The following FSTL1 variants were observed in gnomAD, a reference collection of about 807,000 sequenced individuals.
The protein encoded by FSTL1 is follistatin like 1.
Under a neutral mutation model 45.9 loss-of-function variants are expected in FSTL1, and 24 were observed. The ratio of observed to expected loss-of-function variants is 0.52; its 90% CI spans 0.38 to 0.74. The LOEUF is 0.74. Ranked by LOEUF, FSTL1 falls within the 30% of genes least tolerant of loss-of-function variation. FSTL1 has a pLI of 0.00. For synonymous variants in FSTL1, 120 were observed against 137.6 expected (o/e 0.87, Z 0.89); for missense variants, 340 against 381.8 (o/e 0.89, Z 0.91).
At chr3:120,443,556 T>C (rs1205235436) in intron 2 of FSTL1, among the ~76,000 whole-genome samples, 2 of 149,704 alleles carry the variant, frequency 1.3e-5, no homozygotes, top group Non-Finnish European at 2.9e-5. Flanking sequence ...CAACAAAAAG[T>C]ATAGAAAGAC....
Position 120,450,701 on chromosome 3 carries a change from C to T in FSTL1, c.46G>A (p.Ala16Thr), listed in dbSNP as rs370642677. 9.6e-5 allele frequency: 151 copies of T among 1,568,376 alleles called. No individual in the cohort carries two copies. Among genetic ancestry groups the T allele is most frequent in the Non-Finnish European group, 1.2e-4 (144 of 1,164,818 alleles). Residue 16 changes from alanine to threonine, a missense_variant, in exon 2 of 11, where the codon GCC (alanine) becomes ACC (threonine). Physicochemically the swap from Ala to Thr is moderately conservative, Grantham distance 58. Transcript: ENST00000295633. ...LALALALVAV[A>T]WVRAEEELRS... ...TCGCCTACCTCGGCGCGGACCCAGGCGACCGCCACCAGCGCGAGCGCGAGC... is the reference window on the plus strand; with the variant it reads ...TCGCCTACCTCGGCGCGGACCCAGGTGACCGCCACCAGCGCGAGCGCGAGC...
intron 8 of FSTL1, 103 bp from the exon 9 acceptor site, chr3:120,403,021 G>C (rs1936858136): frequency 1.2e-6 from 1 of 819,788 alleles, no homozygotes; most frequent in African/African-American, 1.7e-5. Flanking sequence ...GACAAGACCT[G>C]CCTGTCCCTC....
intron 2 of FSTL1, among the ~76,000 whole-genome samples, chr3:120,418,595 A>G (rs1937226807): frequency 6.6e-6 from 1 of 152,212 alleles, no homozygotes; most frequent in Non-Finnish European, 1.5e-5. Context: ...ACGTAAGGAA[A>G]TTATGATGGG....
intron 2 of FSTL1, among the ~76,000 whole-genome samples, chr3:120,418,250 ATATTAT>A (rs960179445): frequency 6.6e-6 from 1 of 152,232 alleles, no homozygotes; most frequent in Non-Finnish European, 1.5e-5. Context: ...AAGAATAGGT[ATATTAT>A]TATTAACCCT....
chr3:120,412,084 A>G lies in FSTL1; in HGVS notation c.169-101T>C, dbSNP rs1937068985. On this transcript the variant is annotated intron_variant, in intron 3 of 10. Coordinates refer to ENST00000295633, the MANE Select transcript of FSTL1 (RefSeq NM_007085.5). ...ACACACACACACAGAGCCATTTTGT[A>G]AGGGGACTCTCCACCACCAGAGATG... 3.7e-6 allele frequency: 4 copies of G among 1,079,528 alleles called. No individual in the cohort carries two copies. In the East Asian group the frequency reaches 1.0e-4, roughly 27 times the overall value. 66.9% of individuals were successfully genotyped at this position (1,079,528 alleles called of 1,614,324 possible). A position where few individuals can be genotyped will look rare whatever the true frequency, so the allele number is the denominator to read the frequency against.
At chr3:120,447,034 G>C (rs1323588658) in intron 2 of FSTL1, among the ~76,000 whole-genome samples, 1 of 152,112 alleles carries the variant, frequency 6.6e-6, no homozygotes, top group East Asian at 1.9e-4. Context: ...ATCCACCAAG[G>C]GAGAGTGGGG....
intron 2 of FSTL1, among the ~76,000 whole-genome samples, chr3:120,438,061 TAAG>T (rs1013752462): frequency 2.0e-5 from 3 of 152,092 alleles, no homozygotes; most frequent in Non-Finnish European, 4.4e-5. Flanking sequence ...GAGAAAGTAA[TAAG>T]AAGGATTCCA....
intron 2 of FSTL1, among the ~76,000 whole-genome samples, chr3:120,417,327 G>A (rs1407792419): frequency 6.6e-6 from 1 of 152,206 alleles, no homozygotes; most frequent in Non-Finnish European, 1.5e-5. Flanking sequence ...GAGCTGAGGT[G>A]CTGTATCCAA....
intron 2 of FSTL1, among the ~76,000 whole-genome samples, chr3:120,439,128 G>C (rs1211744993): frequency 6.6e-6 from 1 of 152,180 alleles, no homozygotes; most frequent in Non-Finnish European, 1.5e-5. Flanking sequence ...GGCGTGCAGG[G>C]AGGAGGCGAG....
At chr3:120,449,412 C>T (rs1197167519) in intron 2 of FSTL1, among the ~76,000 whole-genome samples, 3 of 152,082 alleles carry the variant, frequency 2.0e-5, no homozygotes, top group African/African-American at 7.2e-5. Context: ...GCCTTGGGTC[C>T]GGAGCCAGAC....
intron 3 of FSTL1, among the ~76,000 whole-genome samples, chr3:120,415,503 AGGG>A (rs1369536967): frequency 6.6e-6 from 1 of 152,214 alleles, no homozygotes; most frequent in Admixed American, 6.5e-5. Flanking sequence ...TGCATAAAAT[AGGG>A]GGAACCATTA....
At chr3:120,399,135 C>A (rs1171960757) in intron 10 of FSTL1, among the ~76,000 whole-genome samples, 1 of 152,160 alleles carries the variant, frequency 6.6e-6, no homozygotes, top group Non-Finnish European at 1.5e-5. Context: ...AAGGCTAATA[C>A]TACTACATTC....
chr3:120,425,466 G>A (rs1255297465), intron 2 of FSTL1, among the ~76,000 whole-genome samples: 1 of 152,096 alleles, frequency 6.6e-6, no homozygotes, highest in Non-Finnish European at 1.5e-5. Flanking sequence ...AAGAATTAAT[G>A]CAGGAGGACT....
At chr3:120,442,788 G>GA (rs749297340) in intron 2 of FSTL1, among the ~76,000 whole-genome samples, 811 of 53,252 alleles carry the variant, frequency 0.015, 35 homozygotes, top group African/African-American at 0.038. Flanking sequence ...TCTCAAAAAA[G>GA]AAAAAAAAAA....
chr3:120,397,832 G>C (rs1391379663), intron 10 of FSTL1, among the ~76,000 whole-genome samples: 1 of 152,162 alleles, frequency 6.6e-6, no homozygotes, highest in Non-Finnish European at 1.5e-5. Flanking sequence ...TTATTTATCA[G>C]AGCCCCCAAA....
chr3:120,403,101 A>T, intron 8 of FSTL1, 141 bp downstream of exon 8: 1 of 703,244 alleles, frequency 1.4e-6, no homozygotes, highest in Non-Finnish European at 2.6e-6. Context: ...CACCATGGGG[A>T]GAATGGGCTG....
intron 6 of FSTL1, among the ~76,000 whole-genome samples, chr3:120,406,633 T>C (rs1378255848): frequency 4.6e-5 from 7 of 152,202 alleles, no homozygotes; most frequent in East Asian, 1.9e-4. Flanking sequence ...CAGAGTTGTA[T>C]GTAGAATCCA....
chr3:120,444,265 A>G (rs1239701016), intron 2 of FSTL1, among the ~76,000 whole-genome samples: 2 of 149,794 alleles, frequency 1.3e-5, no homozygotes, highest in Non-Finnish European at 2.9e-5. Flanking sequence ...AGATGTGTCA[A>G]TGTTTGTCAA....
chr3:120,425,391 C>A (rs1937359256), intron 2 of FSTL1, among the ~76,000 whole-genome samples: 1 of 151,338 alleles, frequency 6.6e-6, no homozygotes, highest in African/African-American at 2.4e-5. Context: ...TTTTAAACTT[C>A]TGCTGAAACC....
Sources: allele counts gnomAD v4.1 joint callset (sites outside exome capture counted in the v4.1 genomes callset), GRCh38; gene constraint gnomAD v4.1.1; transcripts MANE v1.5; gene names NCBI Gene and HGNC (gene_info 2026-07-23, HGNC 2026-07-21).